The following WNT2B variants were observed in gnomAD, a reference collection of about 807,000 sequenced individuals.
WNT2B encodes Wnt family member 2B.
WNT2B carries 19 observed loss-of-function variants against 40.5 expected under a neutral mutation model. The observed-to-expected ratio is 0.47, with a 90% CI of 0.33 to 0.69. The LOEUF is 0.69. Among genes scored for constraint, WNT2B ranks in the 30% least tolerant of loss-of-function variants. The pLI is 0.02. For synonymous variants in WNT2B, 220 were observed against 211.9 expected (o/e 1.04, Z -0.33); for missense variants, 467 against 556.4 (o/e 0.84, Z 1.62).
intron 1 of WNT2B, among the ~76,000 whole-genome samples, chr1:112,472,156 C>T (rs1240523371): frequency 6.6e-6 from 1 of 152,136 alleles, no homozygotes; most frequent in Non-Finnish European, 1.5e-5. Flanking sequence ...TTATAATTGC[C>T]CCCCAACAGG....
chr1:112,520,040 T>C (rs1652779035), intron 4 of WNT2B, among the ~76,000 whole-genome samples: 1 of 150,596 alleles, frequency 6.6e-6, no homozygotes, highest in Admixed American at 6.7e-5. Flanking sequence ...ACCTGGCTAA[T>C]TTTTTAAGTT....
chr1:112,526,387 T>C lies in WNT2B; in HGVS notation c.*5878T>C, dbSNP rs1432173809. 2.9e-6 allele frequency: 1 copy of C among 340,666 alleles called. No homozygotes were observed. The highest frequency in any genetic ancestry group is 5.5e-6 in the Non-Finnish European group (1 of 183,154). 21.1% of individuals were successfully genotyped at this position (340,666 alleles called of 1,614,324 possible). On this transcript the variant is annotated 3_prime_UTR_variant, in exon 5 of 5. Coordinates refer to ENST00000369684, the MANE Select transcript of WNT2B (RefSeq NM_024494.3). ...ATTTTATCTAGTCCTTTTGAAATTATGCTAAATGTATAGACACAGTAGAAG... is the reference window on the plus strand; with the variant it reads ...ATTTTATCTAGTCCTTTTGAAATTACGCTAAATGTATAGACACAGTAGAAG...
intron 1 of WNT2B, among the ~76,000 whole-genome samples, chr1:112,511,473 G>GA (rs1236888437): frequency 3.9e-5 from 6 of 152,158 alleles, no homozygotes; most frequent in Admixed American, 2.6e-4. Context: ...TTTCTCTTAG[G>GA]AAAAAACCAG....
At chr1:112,490,937 A>C (rs1651582538) in intron 1 of WNT2B, 1 of 1,435,934 alleles carries the variant, frequency 7.0e-7, no homozygotes. Flanking sequence ...AAATCTACAA[A>C]TCACTCCTCT....
chr1:112,507,423 A>G (rs1652140988), upstream of WNT2B, among the ~76,000 whole-genome samples: 2 of 152,176 alleles, frequency 1.3e-5, no homozygotes, highest in Non-Finnish European at 2.9e-5. Flanking sequence ...CTTACCACAG[A>G]AAGTGGGGGT....
At chr1:112,486,158 C>CACACACACACACA (rs56037560) in intron 1 of WNT2B, among the ~76,000 whole-genome samples, 10 of 151,278 alleles carry the variant, frequency 6.6e-5, no homozygotes, top group African/African-American at 9.7e-5. Flanking sequence ...CACACACACA[C>CACACACACACACA]CAGGCTGGGT....
At chr1:112,508,863 C>G (rs13373888), upstream of WNT2B, 3,691 of 1,011,300 alleles carry the variant, frequency 3.6e-3, 95 homozygotes, top group African/African-American at 0.053. The surrounding 1 kb of genome is among the most constrained non-coding windows in gnomAD (Gnocchi z 4.2). Flanking sequence ...CGGAGCGCCC[C>G]GGGCTTGGCG....
chr1:112,489,901 T>C (rs1409001001), intron 1 of WNT2B, among the ~76,000 whole-genome samples: 1 of 152,182 alleles, frequency 6.6e-6, no homozygotes, highest in Non-Finnish European at 1.5e-5. Context: ...CCACCCACAA[T>C]TACTGGTTTT....
intron 1 of WNT2B, among the ~76,000 whole-genome samples, chr1:112,494,764 C>A (rs1557913541): frequency 6.6e-6 from 1 of 151,428 alleles, no homozygotes; most frequent in Admixed American, 6.6e-5. Context: ...AAAAGAAATT[C>A]TTTAGAGAGA....
chr1:112,526,141 C>A lies in WNT2B; in HGVS notation c.*5632C>A. On this transcript the variant is annotated 3_prime_UTR_variant, in exon 5 of 5. Coordinates refer to ENST00000369684, the MANE Select transcript of WNT2B (RefSeq NM_024494.3). ...AAAACAGAAATTGATACAAAATGTTCAAGCCCTGTAGGAGTCCCAGGACAG... is the reference window on the plus strand; with the variant it reads ...AAAACAGAAATTGATACAAAATGTTAAAGCCCTGTAGGAGTCCCAGGACAG... 6.2e-7 allele frequency: 1 copy of A among 1,613,790 alleles called. No homozygotes were observed. The highest frequency in any genetic ancestry group is 1.1e-5 in the South Asian group (1 of 91,032).
intron 1 of WNT2B, among the ~76,000 whole-genome samples, chr1:112,489,152 G>C (rs1408136745): frequency 6.6e-6 from 1 of 152,038 alleles, no homozygotes; most frequent in Admixed American, 6.6e-5. Context: ...GTAGCAAATT[G>C]TGGTGGCTAT....
intron 1 of WNT2B, among the ~76,000 whole-genome samples, chr1:112,503,141 G>A (rs1652009502): frequency 6.6e-6 from 1 of 152,126 alleles, no homozygotes; most frequent in Non-Finnish European, 1.5e-5. Context: ...GAAGGAGTGA[G>A]GAGTCTTTCT....
chr1:112,474,350 G>A (rs555757096), intron 1 of WNT2B, among the ~76,000 whole-genome samples: 15 of 151,808 alleles, frequency 9.9e-5, no homozygotes, highest in East Asian at 3.9e-4. Flanking sequence ...GGGTTTCACC[G>A]CGTTAGCCAG....
chr1:112,500,359 T>G (rs183861196), intron 1 of WNT2B, among the ~76,000 whole-genome samples: 55 of 152,284 alleles, frequency 3.6e-4, no homozygotes, highest in African/African-American at 1.3e-3. Context: ...GTTTTGGAAA[T>G]TATAGGTATT....
intron 1 of WNT2B, among the ~76,000 whole-genome samples, chr1:112,500,335 T>C (rs1291602745): frequency 2.0e-5 from 3 of 152,216 alleles, no homozygotes; most frequent in Non-Finnish European, 4.4e-5. Flanking sequence ...AATGCCACTC[T>C]TTTCATGCTT....
chr1:112,475,889 G>A (rs1272828697), intron 1 of WNT2B, among the ~76,000 whole-genome samples: 1 of 152,028 alleles, frequency 6.6e-6, no homozygotes, highest in African/African-American at 2.4e-5. Context: ...GTATTTTAAA[G>A]ACAAACACTC....
In WNT2B at chr1:112,513,346, A is replaced by T. The variant is rs1652420751; in HGVS notation, c.183-1528A>T. ...TTTGTTCCTGGAAGCTGTTGCCCTG[A>T]TGGACAGTGCTGGGGATGCTGATTC... is the stretch of plus-strand genomic sequence containing the variant. On this transcript the variant is annotated intron_variant, in intron 1 of 4. Transcript: ENST00000369684. Among the ~76,000 whole-genome samples the T allele has an allele frequency of 2.6e-5, 4 of 152,248 alleles. No homozygotes were observed. The South Asian group carries it at 8.3e-4, about 32-fold the overall frequency.
At position 112,523,923 on chromosome 1, in the gene WNT2B, C is replaced by G. The variant is rs982835861; in HGVS notation, c.*3414C>G. On this transcript the variant is annotated 3_prime_UTR_variant, in exon 5 of 5. Coordinates refer to ENST00000369684, the MANE Select transcript of WNT2B (RefSeq NM_024494.3). ...GATAAAAGCTAACTTTTATTAATAC[C>G]AGCCCTGAATAATGGCACTAATCCA... 1.3e-5 allele frequency: 2 copies of G among 151,558 alleles called. No individual in the cohort carries two copies. Among genetic ancestry groups the G allele is most frequent in the African/African-American group, 4.9e-5 (2 of 41,236 alleles). 9.4% of individuals were successfully genotyped at this position (151,558 alleles called of 1,614,324 possible).
chr1:112,517,030 ATC>A (rs1652584031), intron 3 of WNT2B, 89 bp from the exon 4 acceptor site: 1 of 1,526,164 alleles, frequency 6.6e-7, no homozygotes, highest in Non-Finnish European at 8.9e-7. Context: ...GGTCCAGCCT[ATC>A]TCAGAGCACT....
Sources: allele counts gnomAD v4.1 joint callset (sites outside exome capture counted in the v4.1 genomes callset), GRCh38; gene constraint gnomAD v4.1.1; non-coding constraint Gnocchi (gnomAD v3.1); transcripts MANE v1.5; gene names NCBI Gene and HGNC (gene_info 2026-07-23, HGNC 2026-07-21).